SWT1: variants seen among roughly 807,000 people sequenced by gnomAD.
SWT1 encodes the protein transcriptional protein SWT1.
In SWT1, 33 loss-of-function variants were observed where a neutral mutation model predicts 107.3. That is an observed-to-expected ratio of 0.31 (90% confidence interval 0.23 to 0.41). The LOEUF is 0.41. Ranked by LOEUF, SWT1 falls within the 10% of genes least tolerant of loss-of-function variation. The pLI is 1.00. For missense variants in SWT1, 898 were observed against 1,028.9 expected (o/e 0.87, Z 1.74); for synonymous variants, 345 against 348.3 (o/e 0.99, Z 0.11).
At chr1:185,186,344 G>C (rs1656462450) in intron 9 of SWT1, among the ~76,000 whole-genome samples, 1 of 152,226 alleles carries the variant, frequency 6.6e-6, no homozygotes, top group South Asian at 2.1e-4. Flanking sequence ...CTATGAATTG[G>C]TAACTTTGTA....
At chr1:185,269,042 C>T (rs1382687401) in intron 16 of SWT1, among the ~76,000 whole-genome samples, 2 of 151,898 alleles carry the variant, frequency 1.3e-5, no homozygotes, top group African/African-American at 4.8e-5. Context: ...TTAGTAGAGA[C>T]GGGGTTTCAC....
At chr1:185,168,246 TA>T in intron 3 of SWT1, 93 bp from the exon 4 acceptor site, 1 of 728,402 alleles carries the variant, frequency 1.4e-6, no homozygotes, top group Non-Finnish European at 2.0e-6. Flanking sequence ...AAAGATTAAG[TA>T]AAAGTATTGT....
chr1:185,210,651 C>G (rs1658716154), intron 13 of SWT1, among the ~76,000 whole-genome samples: 1 of 152,126 alleles, frequency 6.6e-6, no homozygotes, highest in Admixed American at 6.6e-5. Context: ...CAAGGATGCC[C>G]TCTCTCACCA....
At chr1:185,159,420 T>A (rs1653947533) in intron 1 of SWT1, among the ~76,000 whole-genome samples, 1 of 152,166 alleles carries the variant, frequency 6.6e-6, no homozygotes, top group Non-Finnish European at 1.5e-5. Flanking sequence ...CCACTAACAG[T>A]ATTGACTTGG....
chr1:185,233,609 G>A (rs1207995120), intron 16 of SWT1, among the ~76,000 whole-genome samples: 4 of 152,088 alleles, frequency 2.6e-5, no homozygotes, highest in African/African-American at 4.8e-5. Context: ...GTAGTTGAGC[G>A]GTTTTGAGTG....
intron 14 of SWT1, among the ~76,000 whole-genome samples, chr1:185,216,668 T>C (rs1659238970): frequency 6.6e-6 from 1 of 152,050 alleles, no homozygotes; most frequent in Non-Finnish European, 1.5e-5. Flanking sequence ...AAGTATTGAC[T>C]TGACTGGGCA....
At chr1:185,285,766 T>C (rs1664911246) in intron 18 of SWT1, among the ~76,000 whole-genome samples, 1 of 152,224 alleles carries the variant, frequency 6.6e-6, no homozygotes, top group South Asian at 2.1e-4. Flanking sequence ...TCCATATACA[T>C]GTATGTGGAT....
intron 5 of SWT1, among the ~76,000 whole-genome samples, chr1:185,179,315 TC>T (rs1424991713): frequency 4.6e-5 from 7 of 152,138 alleles, no homozygotes; most frequent in African/African-American, 1.7e-4. Context: ...GAAATAGATT[TC>T]CGTAAAGTAC....
At chr1:185,202,593 G>C in intron 10 of SWT1, 61 bp from the exon 11 acceptor site, 1 of 1,431,688 alleles carries the variant, frequency 7.0e-7, no homozygotes, top group Non-Finnish European at 9.7e-7. Flanking sequence ...GTTTTGATTT[G>C]CCATGTGGTT....
intron 10 of SWT1, among the ~76,000 whole-genome samples, chr1:185,200,506 C>G (rs960399185): frequency 1.3e-5 from 2 of 152,194 alleles, no homozygotes; most frequent in African/African-American, 4.8e-5. Context: ...AGTCAGACCC[C>G]TCTGCTGCAG....
chr1:185,170,198 T>C (rs1654928987), intron 4 of SWT1, among the ~76,000 whole-genome samples: 1 of 152,192 alleles, frequency 6.6e-6, no homozygotes, highest in South Asian at 2.1e-4. Context: ...CAAGCTCTTT[T>C]AAAAACCTGA....
chr1:185,172,601 A>G (rs1023510335), intron 4 of SWT1, among the ~76,000 whole-genome samples: 1 of 152,202 alleles, frequency 6.6e-6, no homozygotes, highest in African/African-American at 2.4e-5. Context: ...ATGTAAAAAA[A>G]TGACCATTTT....
intron 11 of SWT1, 33 bp from the exon 12 acceptor site, chr1:185,204,667 T>G: frequency 7.4e-7 from 1 of 1,344,656 alleles, no homozygotes; most frequent in South Asian, 1.4e-5. Context: ...CTGTTAGCAT[T>G]CTAAATAAAG....
intron 4 of SWT1, among the ~76,000 whole-genome samples, chr1:185,169,507 T>C (rs889070955): frequency 6.6e-6 from 1 of 152,164 alleles, no homozygotes; most frequent in African/African-American, 2.4e-5. Flanking sequence ...AAATTAGAGA[T>C]AATTTTATCA....
At chr1:185,171,618 C>A in intron 4 of SWT1, 1 of 518,920 alleles carries the variant, frequency 1.9e-6, no homozygotes, top group East Asian at 5.0e-5. Flanking sequence ...CATGATCCGT[C>A]TTCTATGGGG....
chr1:185,280,707 A>G (rs1664560626), intron 18 of SWT1: 1 of 252,652 alleles, frequency 4.0e-6, no homozygotes, highest in African/African-American at 2.3e-5. Flanking sequence ...AGCCTCCTCC[A>G]TAAAAATCCC....
At chr1:185,169,561 C>T (rs138172993) in intron 4 of SWT1, among the ~76,000 whole-genome samples, 1 of 152,056 alleles carries the variant, frequency 6.6e-6, no homozygotes, top group Admixed American at 6.6e-5. Flanking sequence ...AATTCCTGTT[C>T]CATGATTTGA....
At position 185,286,286 on chromosome 1, in the gene SWT1, C is replaced by T. The variant is rs1042336948; in HGVS notation, c.2574-4388C>T. On this transcript the variant is annotated intron_variant, in intron 18 of 18. Coordinates refer to ENST00000367500, the MANE Select transcript of SWT1 (RefSeq NM_017673.7). ...TCGCCCAGACTGGATTGCAGTGGCG[C>T]GATCTCGGCTCACTGCAACCTCTGC... 1.4e-4 allele frequency among the ~76,000 whole-genome samples: 21 copies of T among 152,226 alleles called. No individual in the cohort carries two copies. The East Asian group carries it at 1.7e-3, about 13-fold the overall frequency.
chr1:185,184,631 T>TA, intron 8 of SWT1, 112 bp from the exon 9 acceptor site: 1 of 651,084 alleles, frequency 1.5e-6, no homozygotes, highest in Non-Finnish European at 2.5e-6. Flanking sequence ...TTATTGTGAA[T>TA]TTCCTAAAGG....
Sources: gnomAD v4.1 joint callset for allele counts (sites outside exome capture counted in the v4.1 genomes callset) on GRCh38, gnomAD v4.1.1 for gene constraint, MANE v1.5 for transcripts, NCBI Gene and HGNC (gene_info 2026-07-23, HGNC 2026-07-21) for gene names.